The following OR4S2 variants were observed in gnomAD, a reference collection of about 807,000 sequenced individuals.
OR4S2 encodes the protein olfactory receptor 4S2.
Under a neutral mutation model 15.1 loss-of-function variants are expected in OR4S2, and 16 were observed. The observed-to-expected ratio is 1.06, with a 90% CI of 0.72 to 1.61. The LOEUF (loss-of-function observed/expected upper bound fraction) is 1.61. Ranked by LOEUF, OR4S2 falls within the 40% of genes most tolerant of loss-of-function variation. The pLI, the probability that OR4S2 is intolerant of heterozygous loss-of-function variation, is 0.00. For synonymous variants in OR4S2, 133 were observed against 136.3 expected (o/e 0.98, Z 0.17); for missense variants, 362 against 379.6 (o/e 0.95, Z 0.38).
chr11:55,650,273 C>T (rs1369597991), intron 1 of OR4S2, among the ~76,000 whole-genome samples: 5 of 138,436 alleles, frequency 3.6e-5, no homozygotes, highest in Middle Eastern at 3.8e-3. Context: ...TATCAGGGCT[C>T]GAGACCACAC....
rs771230182 is a variant in OR4S2 at position 55,651,627 on chromosome 11, A to G, written c.724A>G (p.Ile242Val). The stretch of plus-strand genomic sequence containing the variant: ...AGCCCTCTCCACCTGTGGCTCCCAC[A>G]TTGCCATGGTCGTTATCTTTTTCGG... ...RKALSTCGSHIAMVVIFFGPC... is the reference protein window; with the variant it reads ...RKALSTCGSHVAMVVIFFGPC... The change falls in exon 2 of 2, where the codon ATT becomes GTT. Residue 242 changes from isoleucine to valine, a missense_variant. Coordinates refer to ENST00000641692, the MANE Select transcript of OR4S2 (RefSeq NM_001004059.3). The G allele has an allele frequency of 1.1e-5, 16 of 1,491,158 alleles. 1 individual carries two copies. The African/African-American group carries it at 1.6e-4, about 15-fold the overall frequency. The allele number at this position is 1,491,158 out of a possible 1,614,324, so 92.4% of individuals were successfully genotyped here. A position where few individuals can be genotyped will look rare whatever the true frequency, so the allele number is the denominator to read the frequency against.
rs756062430 is a variant in OR4S2, at chr11:55,650,670, C to CT, written c.-36-197dup. Among the ~76,000 whole-genome samples, 4 of 138,222 alleles carry CT rather than the reference C, an allele frequency of 2.9e-5. 1 individual carries two copies. Among genetic ancestry groups the CT allele is most frequent in the Non-Finnish European group, 6.4e-5 (4 of 62,086 alleles). The allele number at this position is 138,222 out of a possible 152,430, so 90.7% of individuals were successfully genotyped here. A position where few individuals can be genotyped will look rare whatever the true frequency, so the allele number is the denominator to read the frequency against. On this transcript the variant is annotated intron_variant, in intron 1 of 1. Transcript: ENST00000641692. The stretch of plus-strand genomic sequence containing the variant: ...GATTGAGGGGATTTACTTTATCTCT[C>CT]TGGATTTTGCTTTCTCACCTGAAGT...
Position 55,651,006 on chromosome 11 carries a change from A to G in OR4S2, c.103A>G (p.Ile35Val). The change falls in exon 2 of 2, where the codon ATC becomes GTC. Residue 35 changes from isoleucine (I) to valine (V), a missense_variant. Ile to Val is a conservative substitution (Grantham distance 29, BLOSUM62 3). Coordinates refer to ENST00000641692, the MANE Select transcript of OR4S2 (RefSeq NM_001004059.3). ...TGTGGTGTTTTCTTTCTTCTACATA[A>G]TCATTCTTCTGGGAAATCTCCTCAT... ...CFVVFSFFYI[I>V]ILLGNLLIML... The G allele has an allele frequency of 2.1e-6, 3 of 1,460,862 alleles. No individual in the cohort carries two copies. Among genetic ancestry groups the G allele is most frequent in the Non-Finnish European group, 2.8e-6 (3 of 1,068,266 alleles). 90.5% of individuals were successfully genotyped at this position (1,460,862 alleles called of 1,614,324 possible). A position where few individuals can be genotyped will look rare whatever the true frequency, so the allele number is the denominator to read the frequency against.
intron 1 of OR4S2, among the ~76,000 whole-genome samples, chr11:55,649,011 GAA>G (rs34495126): frequency 7.6e-6 from 1 of 132,252 alleles, no homozygotes. Context: ...ATTGGTGAAT[GAA>G]AAAAAAAATT....
In OR4S2 at chr11:55,652,640, C is replaced by T. The variant is rs562118572; in HGVS notation, c.*801C>T. ...ATGTAATACAATGTATGTTTCACTC[C>T]TACATTCTGTAGAATCGTATGCTAC... On this transcript the variant is annotated 3_prime_UTR_variant, in exon 2 of 2. Coordinates refer to ENST00000641692, the MANE Select transcript of OR4S2 (RefSeq NM_001004059.3). 7.2e-6 allele frequency: 1 copy of T among 139,418 alleles called. No homozygotes were observed. Among genetic ancestry groups the T allele is most frequent in the African/African-American group, 2.5e-5 (1 of 40,226 alleles). The allele number at this position is 139,418 out of a possible 1,614,324, so 8.6% of individuals were successfully genotyped here.
In OR4S2 at chr11:55,651,636, G is replaced by A. The variant is rs1791946294; in HGVS notation, c.733G>A (p.Val245Ile). 1 of 1,492,040 alleles carries A rather than the reference G, an allele frequency of 6.7e-7. No individual in the cohort carries two copies. Among genetic ancestry groups the A allele is most frequent in the Non-Finnish European group, 9.1e-7 (1 of 1,096,994 alleles). The allele number at this position is 1,492,040 out of a possible 1,614,324, so 92.4% of individuals were successfully genotyped here. A position where few individuals can be genotyped will look rare whatever the true frequency, so the allele number is the denominator to read the frequency against. ...CACCTGTGGCTCCCACATTGCCATGGTCGTTATCTTTTTCGGCCCCTGTAC... is the reference window on the plus strand; with the variant it reads ...CACCTGTGGCTCCCACATTGCCATGATCGTTATCTTTTTCGGCCCCTGTAC... Reference protein sequence around the residue: ...LSTCGSHIAMVVIFFGPCTFM... With the variant: ...LSTCGSHIAMIVIFFGPCTFM... Residue 245 changes from valine (V) to isoleucine (I), a missense_variant, in exon 2 of 2, where the codon GTC (valine) becomes ATC (isoleucine). Val to Ile is a conservative substitution (Grantham distance 29, BLOSUM62 3). Coordinates refer to ENST00000641692, the MANE Select transcript of OR4S2 (RefSeq NM_001004059.3).
chr11:55,651,890 T>A lies in OR4S2; in HGVS notation c.*51T>A. ...GACCTTAAAATTTCTCAGCCTTGGT[T>A]AACTCATCTGTGCAATCAAGACAAT... On this transcript the variant is annotated 3_prime_UTR_variant, in exon 2 of 2. Transcript: ENST00000641692. 1 of 915,318 alleles carries A rather than the reference T, an allele frequency of 1.1e-6. No individual in the cohort carries two copies. The highest frequency in any genetic ancestry group is 1.7e-6 in the Non-Finnish European group (1 of 605,816). 56.7% of individuals were successfully genotyped at this position (915,318 alleles called of 1,614,324 possible).
At position 55,651,589 on chromosome 11, in the gene OR4S2, A is replaced by G. The variant is rs1316999891; in HGVS notation, c.686A>G (p.Glu229Gly). ...ILVSLRKQSA[E>G]GRRKALSTCG... ...GTTTCCCTGAGAAAGCAGTCAGCAG[A>G]AGGCAGGCGCAAAGCCCTCTCCACC... The change falls in exon 2 of 2, where the codon GAA becomes GGA. Residue 229 changes from glutamate to glycine, a missense_variant. Physicochemically the swap from Glu to Gly is moderately conservative, Grantham distance 98 (BLOSUM62 -2). Transcript: ENST00000641692. 1.3e-5 allele frequency: 19 copies of G among 1,491,012 alleles called. 3 individuals carry two copies. Among genetic ancestry groups the G allele is most frequent in the Non-Finnish European group, 1.6e-5 (17 of 1,095,856 alleles). The allele number at this position is 1,491,012 out of a possible 1,614,324, so 92.4% of individuals were successfully genotyped here.
chr11:55,651,308 C>T lies in OR4S2; in HGVS notation c.405C>T (p.Asn135=), dbSNP rs761647657. ...CCCTACATTATATGACCATCATGAA[C>T]CGGGAGACATGCAATAAAATGTTAT... is the stretch of plus-strand genomic sequence containing the variant. ...CKPLHYMTIM[N]RETCNKMLLG... The change falls in exon 2 of 2, where the codon AAC becomes AAT. Residue 135 remains asparagine (N), a synonymous_variant. Transcript: ENST00000641692. 8 of 1,488,136 alleles carry T rather than the reference C, an allele frequency of 5.4e-6. 2 individuals carry two copies. In the East Asian group the frequency reaches 1.0e-4, roughly 19 times the overall value. 92.2% of individuals were successfully genotyped at this position (1,488,136 alleles called of 1,614,324 possible).
chr11:55,650,153 G>T (rs1235867683), intron 1 of OR4S2, among the ~76,000 whole-genome samples: 1 of 139,178 alleles, frequency 7.2e-6, no homozygotes, highest in African/African-American at 2.5e-5. Context: ...TGGGATAAGA[G>T]AATTTCTGTT....
chr11:55,648,802 G>A (rs572667518), intron 1 of OR4S2, among the ~76,000 whole-genome samples: 1 of 137,216 alleles, frequency 7.3e-6, no homozygotes, highest in East Asian at 2.4e-4. Context: ...TGCCCAACAT[G>A]CCCAGATAAA....
intron 1 of OR4S2, among the ~76,000 whole-genome samples, chr11:55,648,931 C>G (rs1250063690): frequency 1.5e-5 from 2 of 137,162 alleles, no homozygotes; most frequent in Non-Finnish European, 3.2e-5. Context: ...TACTAGGATG[C>G]ACATTCTGAT....
In OR4S2 at chr11:55,650,870, A is replaced by C. The variant is rs1858554654; in HGVS notation, c.-34A>C. ...TTTTTATGTTTTCTTTTTTTCAGGT[A>C]ATTTAATTGTCTCCTAAGAACTTGA... On this transcript the variant is annotated splice_region_variant and 5_prime_UTR_variant, in exon 2 of 2. Coordinates refer to ENST00000641692, the MANE Select transcript of OR4S2 (RefSeq NM_001004059.3). 2.1e-6 allele frequency: 2 copies of C among 949,732 alleles called. 1 individual carries two copies. Among genetic ancestry groups the C allele is most frequent in the African/African-American group, 3.2e-5 (2 of 62,124 alleles). The allele number at this position is 949,732 out of a possible 1,614,324, so 58.8% of individuals were successfully genotyped here.
Position 55,651,160 on chromosome 11 carries a change from A to G in OR4S2, c.257A>G (p.Lys86Arg). The change falls in exon 2 of 2, where the codon AAG becomes AGG. Residue 86 changes from lysine (K) to arginine (R), a missense_variant. Lys to Arg is a conservative substitution (Grantham distance 26, BLOSUM62 2). Coordinates refer to ENST00000641692, the MANE Select transcript of OR4S2 (RefSeq NM_001004059.3). The stretch of plus-strand genomic sequence containing the variant: ...AAGATGATTGTTGACCTGTTAGCAA[A>G]GGACAAAACCATCTCCTATGTGGGG... ...APKMIVDLLA[K>R]DKTISYVGCM... is the part of the protein sequence containing the mutation. The G allele has an allele frequency of 6.7e-7, 1 of 1,483,678 alleles. No individual in the cohort carries two copies. Among genetic ancestry groups the G allele is most frequent in the Non-Finnish European group, 9.2e-7 (1 of 1,088,946 alleles). The allele number at this position is 1,483,678 out of a possible 1,614,324, so 91.9% of individuals were successfully genotyped here. A position where few individuals can be genotyped will look rare whatever the true frequency, so the allele number is the denominator to read the frequency against.
chr11:55,651,689 C>G lies in OR4S2; in HGVS notation c.786C>G (p.Thr262=). Residue 262 remains threonine, a synonymous_variant, in exon 2 of 2, where the codon ACC becomes ACG. Coordinates refer to ENST00000641692, the MANE Select transcript of OR4S2 (RefSeq NM_001004059.3). The part of the protein sequence containing the change: ...CTFMYMRPDT[T]FSEDKMVAVF... ...TTATGTACATGCGCCCTGATACGACCTTTTCAGAGGATAAGATGGTGGCTG... is the reference window on the plus strand; with the variant it reads ...TTATGTACATGCGCCCTGATACGACGTTTTCAGAGGATAAGATGGTGGCTG... 1 of 1,488,736 alleles carries G rather than the reference C, an allele frequency of 6.7e-7. No individual in the cohort carries two copies. Among genetic ancestry groups the G allele is most frequent in the Non-Finnish European group, 9.1e-7 (1 of 1,093,808 alleles). 92.2% of individuals were successfully genotyped at this position (1,488,736 alleles called of 1,614,324 possible).
Position 55,651,299 on chromosome 11 carries a change from C to A in OR4S2, c.396C>A (p.Thr132=), listed in dbSNP as rs1858563532. The change falls in exon 2 of 2, where the codon ACC becomes ACA. Residue 132 remains threonine, a synonymous_variant. Transcript: ENST00000641692. ...TCTGTAAACCCCTACATTATATGAC[C>A]ATCATGAACCGGGAGACATGCAATA... ...VAICKPLHYM[T]IMNRETCNKM... is the part of the protein sequence containing the mutation. The A allele has an allele frequency of 5.4e-6, 8 of 1,487,000 alleles. 2 individuals carry two copies. Among genetic ancestry groups the A allele is most frequent in the Non-Finnish European group, 7.3e-6 (8 of 1,092,356 alleles). 92.1% of individuals were successfully genotyped at this position (1,487,000 alleles called of 1,614,324 possible). A position where few individuals can be genotyped will look rare whatever the true frequency, so the allele number is the denominator to read the frequency against.
chr11:55,651,285 CTACATTA>C lies in OR4S2; in HGVS notation c.385_391del (p.His129Ter). The stretch of plus-strand genomic sequence containing the variant: ...TCGTTATGTGGCTATCTGTAAACCC[CTACATTA>C]TATGACCATCATGAACCGGGAGACA... On this transcript the variant is annotated frameshift_variant, in exon 2 of 2. Coordinates refer to ENST00000641692, the MANE Select transcript of OR4S2 (RefSeq NM_001004059.3). LOFTEE classifies it high-confidence loss of function. 1 of 1,486,296 alleles carries C rather than the reference CTACATTA, an allele frequency of 6.7e-7. No individual in the cohort carries two copies. The allele number at this position is 1,486,296 out of a possible 1,614,324, so 92.1% of individuals were successfully genotyped here.
At position 55,652,318 on chromosome 11, in the gene OR4S2, A is replaced by G. The variant is rs952139492; in HGVS notation, c.*479A>G. On this transcript the variant is annotated 3_prime_UTR_variant, in exon 2 of 2. Transcript: ENST00000641692. ...TCACTCATATATTTCCTTCTAAATA[A>G]ACAATCCTCTACCCTGCTGCCTAGG... The G allele has an allele frequency of 6.4e-5, 9 of 140,060 alleles. 1 individual carries two copies. Among genetic ancestry groups the G allele is most frequent in the African/African-American group, 2.3e-4 (9 of 39,872 alleles). 8.7% of individuals were successfully genotyped at this position (140,060 alleles called of 1,614,324 possible). A position where few individuals can be genotyped will look rare whatever the true frequency, so the allele number is the denominator to read the frequency against.
rs569306356 is a variant in OR4S2, at chr11:55,651,123, G to A, written c.220G>A (p.Val74Ile). Reference protein sequence around the residue: ...LSFVDICYSSVTAPKMIVDLL... With the variant: ...LSFVDICYSSITAPKMIVDLL... ...TTTTGTGGACATTTGTTACTCTTCA[G>A]TCACAGCTCCCAAGATGATTGTTGA... The change falls in exon 2 of 2, where the codon GTC becomes ATC. Residue 74 changes from valine to isoleucine, a missense_variant. Val to Ile is a conservative substitution (Grantham distance 29). Coordinates refer to ENST00000641692, the MANE Select transcript of OR4S2 (RefSeq NM_001004059.3). The A allele has an allele frequency of 1.4e-6, 2 of 1,474,420 alleles. 1 individual carries two copies. The highest frequency in any genetic ancestry group is 1.9e-6 in the Non-Finnish European group (2 of 1,080,592). 91.3% of individuals were successfully genotyped at this position (1,474,420 alleles called of 1,614,324 possible). A position where few individuals can be genotyped will look rare whatever the true frequency, so the allele number is the denominator to read the frequency against.
Sources: allele counts gnomAD v4.1 joint callset (sites outside exome capture counted in the v4.1 genomes callset), GRCh38; gene constraint gnomAD v4.1.1; transcripts MANE v1.5; gene names NCBI Gene and HGNC (gene_info 2026-07-23, HGNC 2026-07-21).